The following MRTFB variants were observed in gnomAD, a reference collection of about 807,000 sequenced individuals.
MRTFB encodes the protein myocardin-related transcription factor B.
In MRTFB, 29 loss-of-function variants were observed where a neutral mutation model predicts 104.2. The ratio of observed to expected loss-of-function variants is 0.28; its 90% CI spans 0.21 to 0.38. The LOEUF (loss-of-function observed/expected upper bound fraction) is 0.38. Among genes scored for constraint, MRTFB ranks in the 10% least tolerant of loss-of-function variants. The pLI is 1.00. For missense variants in MRTFB, 1,270 were observed against 1,341.6 expected, an observed-to-expected ratio of 0.95 and a Z score of 0.83; for synonymous variants, 535 against 519.5, an observed-to-expected ratio of 1.03 and a Z score of -0.41.
intron 3 of MRTFB, among the ~76,000 whole-genome samples, chr16:14,172,168 C>T (rs2039443674): frequency 1.3e-5 from 2 of 152,244 alleles, no homozygotes; most frequent in Middle Eastern, 3.4e-3. Flanking sequence ...TACCCTGTGT[C>T]CCCACCCAAT....
At chr16:14,031,874 C>T in the MRTFB span, among the ~76,000 whole-genome samples, 1 of 152,174 alleles carries the variant, frequency 6.6e-6, no homozygotes, top group Non-Finnish European at 1.5e-5. Flanking sequence ...GTGGCATGAT[C>T]TCGGCTCTCT....
upstream of MRTFB, among the ~76,000 whole-genome samples, chr16:14,070,971 G>A (rs1241269051): frequency 1.6e-4 from 25 of 152,216 alleles, no homozygotes; most frequent in Admixed American, 1.5e-3. Context: ...TTAAGTGCTC[G>A]GCGCGCAGCG....
the MRTFB span, among the ~76,000 whole-genome samples, chr16:14,061,049 A>G: frequency 1.3e-3 from 192 of 152,168 alleles, no homozygotes; most frequent in African/African-American, 4.2e-3. Flanking sequence ...AGGAGGCTGA[A>G]GCAGGAGAAT....
At chr16:14,133,459 A>G (rs767473010) in intron 2 of MRTFB, among the ~76,000 whole-genome samples, 1 of 152,246 alleles carries the variant, frequency 6.6e-6, no homozygotes, top group Non-Finnish European at 1.5e-5. Flanking sequence ...TTAGACAAGT[A>G]AATCAAACTA....
chr16:14,233,433 T>A (rs1011597841), intron 8 of MRTFB, among the ~76,000 whole-genome samples: 1 of 152,022 alleles, frequency 6.6e-6, no homozygotes, highest in Non-Finnish European at 1.5e-5. Flanking sequence ...CAGGGAAGCC[T>A]GAAGGTCGTG....
chr16:14,119,819 A>G (rs537998650), intron 2 of MRTFB, among the ~76,000 whole-genome samples: 93 of 152,298 alleles, frequency 6.1e-4, no homozygotes, highest in African/African-American at 1.7e-3. Context: ...CTCGCATAGC[A>G]GCTTTAGGCT....
the MRTFB span, among the ~76,000 whole-genome samples, chr16:14,022,282 G>T: frequency 6.6e-6 from 1 of 152,220 alleles, no homozygotes; most frequent in Non-Finnish European, 1.5e-5. Flanking sequence ...TACTGTAATT[G>T]TGAGCAAATC....
intron 8 of MRTFB, among the ~76,000 whole-genome samples, chr16:14,224,812 A>T (rs559705009): frequency 4.2e-4 from 64 of 152,370 alleles, no homozygotes; most frequent in African/African-American, 1.3e-3. Context: ...TACCACTAGA[A>T]TTGCTCTACA....
At chr16:14,223,319 AAAAAAG>A (rs1314816648) in intron 8 of MRTFB, among the ~76,000 whole-genome samples, 1 of 152,114 alleles carries the variant, frequency 6.6e-6, no homozygotes, top group Admixed American at 6.6e-5. Context: ...ACACCCCCAC[AAAAAAG>A]AAAAAGAAAA....
chr16:14,243,355 C>CA (rs1235346299), intron 10 of MRTFB, among the ~76,000 whole-genome samples: 2 of 152,228 alleles, frequency 1.3e-5, no homozygotes, highest in Non-Finnish European at 2.9e-5. Context: ...CAGAACTCTT[C>CA]AGAGAAAGCT....
the MRTFB span, among the ~76,000 whole-genome samples, chr16:14,022,886 G>T: frequency 6.6e-6 from 1 of 151,416 alleles, no homozygotes; most frequent in African/African-American, 2.4e-5. Context: ...TAGTAGAAGT[G>T]AGGTTTCGCC....
intron 3 of MRTFB, chr16:14,148,622 G>T (rs570213004): frequency 6.6e-6 from 1 of 152,562 alleles, no homozygotes; most frequent in Non-Finnish European, 1.5e-5. Context: ...TAATCCGTAC[G>T]TTGGCTCTCC....
intron 8 of MRTFB, among the ~76,000 whole-genome samples, chr16:14,233,553 C>T (rs746203620): frequency 1.3e-5 from 2 of 151,914 alleles, no homozygotes; most frequent in African/African-American, 4.8e-5. Flanking sequence ...TTTGGGAGGC[C>T]GGGGCAGGTG....
chr16:14,143,651 T>TC (rs2038140027), intron 3 of MRTFB: 1 of 151,994 alleles, frequency 6.6e-6, no homozygotes, highest in African/African-American at 2.4e-5. Flanking sequence ...CCAAATGCTA[T>TC]CCCTCCCCCC....
intron 1 of MRTFB, among the ~76,000 whole-genome samples, chr16:14,078,752 C>G (rs928398749): frequency 6.6e-6 from 1 of 152,008 alleles, no homozygotes; most frequent in African/African-American, 2.4e-5. Context: ...TTATTATCAT[C>G]ATAAATAATG....
intron 2 of MRTFB, among the ~76,000 whole-genome samples, chr16:14,129,873 G>C (rs2142409370): frequency 6.6e-6 from 1 of 152,288 alleles, no homozygotes; most frequent in East Asian, 1.9e-4. Flanking sequence ...CTGTTGCCCA[G>C]GCTGGAGTGC....
At position 14,085,326 on chromosome 16, in the gene MRTFB, G is replaced by A. The variant is rs546449879; in HGVS notation, c.-64+5972G>A. ...CAAAAAATTAGCCAGGTGTGGTGGC[G>A]GGCGCCTGTAATCCCAGCTACTTGG... On this transcript the variant is annotated intron_variant, in intron 2 of 16. Transcript: ENST00000571589. Among the ~76,000 whole-genome samples, 18 of 151,664 alleles carry A rather than the reference G, an allele frequency of 1.2e-4. 1 individual carries two copies. The highest frequency in any genetic ancestry group is 9.2e-4 in the Admixed American group (14 of 15,242).
chr16:13,998,443 G>A, the MRTFB span, among the ~76,000 whole-genome samples: 1 of 152,098 alleles, frequency 6.6e-6, no homozygotes, highest in Non-Finnish European at 1.5e-5. Flanking sequence ...GAGGTCAAGA[G>A]TTCAAGACCA....
intron 2 of MRTFB, among the ~76,000 whole-genome samples, chr16:14,108,021 T>G: frequency 6.6e-6 from 1 of 151,960 alleles, no homozygotes; most frequent in East Asian, 1.9e-4. Flanking sequence ...GGACCCCTTT[T>G]CTGCAGTGGG....
Sources: gnomAD v4.1 joint callset for allele counts (sites outside exome capture counted in the v4.1 genomes callset) on GRCh38, gnomAD v4.1.1 for gene constraint, MANE v1.5 for transcripts, NCBI Gene and HGNC (gene_info 2026-07-23, HGNC 2026-07-21) for gene names.